OTUD7A: variants seen among roughly 807,000 people sequenced by gnomAD.
OTUD7A encodes OTU domain-containing protein 7A.
A neutral mutation model predicts 65.7 loss-of-function variants in OTUD7A; 12 were observed. The observed-to-expected ratio is 0.18, with a 90% CI of 0.12 to 0.30. OTUD7A has a LOEUF of 0.30. Among genes scored for constraint, OTUD7A ranks in the 10% least tolerant of loss-of-function variants. The pLI is 1.00. For missense variants in OTUD7A, 1,148 were observed against 1,304.8 expected (o/e 0.88, Z 1.85); for synonymous variants, 641 against 586.3 (o/e 1.09, Z -1.35).
At position 31,479,218 on chromosome 15, in the gene OTUD7A, C is replaced by A. The variant is rs2041074313; in HGVS notation, c.*4076G>T. 6.6e-6 allele frequency: 1 copy of A among 152,278 alleles called. No homozygotes were observed. The highest frequency in any genetic ancestry group is 1.5e-5 in the Non-Finnish European group (1 of 68,074). The allele number at this position is 152,278 out of a possible 1,614,324, so 9.4% of individuals were successfully genotyped here. On this transcript the variant is annotated 3_prime_UTR_variant, in exon 13 of 13. Coordinates refer to ENST00000307050, the MANE Select transcript of OTUD7A (RefSeq NM_001382637.1). ...CAGCTGGCAGCAGAACCGGACTCAA[C>A]TAGAGCAGGGGCCGCCTCTGCAGCC...
chr15:31,559,228 GGT>G, intron 4 of OTUD7A, 41 bp from the exon 5 acceptor site: 1 of 1,571,748 alleles, frequency 6.4e-7, no homozygotes, highest in Non-Finnish European at 8.7e-7. Context: ...GGGCTGAGTG[GGT>G]GTAGGTGTGG....
intron 1 of OTUD7A, among the ~76,000 whole-genome samples, chr15:31,823,100 A>C (rs1896725019): frequency 6.6e-6 from 1 of 152,182 alleles, no homozygotes; most frequent in Non-Finnish European, 1.5e-5. Flanking sequence ...CCTGTGTTTC[A>C]AAGACAAAAA....
chr15:31,522,508 C>A (rs1373085543), intron 8 of OTUD7A, among the ~76,000 whole-genome samples: 1 of 152,210 alleles, frequency 6.6e-6, no homozygotes, highest in Non-Finnish European at 1.5e-5. Flanking sequence ...TACATTAGAT[C>A]TCTTTATATG....
At chr15:31,547,939 G>C (rs1293908323) in intron 5 of OTUD7A, among the ~76,000 whole-genome samples, 3 of 152,228 alleles carry the variant, frequency 2.0e-5, no homozygotes, top group African/African-American at 7.2e-5. Flanking sequence ...GTAACAGTCA[G>C]TCACAAAAAT....
chr15:31,836,311 G>C (rs758245275), intron 1 of OTUD7A, among the ~76,000 whole-genome samples: 4 of 152,008 alleles, frequency 2.6e-5, no homozygotes, highest in Non-Finnish European at 4.4e-5. Flanking sequence ...GGCCATTTTA[G>C]AATCTAAAAA....
intron 1 of OTUD7A, among the ~76,000 whole-genome samples, chr15:31,664,406 T>C (rs1892261614): frequency 6.6e-6 from 1 of 152,108 alleles, no homozygotes; most frequent in South Asian, 2.1e-4. Flanking sequence ...GATTTCCATT[T>C]CCCTGACCAT....
chr15:31,552,615 G>A (rs1888360720), intron 5 of OTUD7A, among the ~76,000 whole-genome samples: 1 of 152,228 alleles, frequency 6.6e-6, no homozygotes, highest in African/African-American at 2.4e-5. Flanking sequence ...AGAGCCTGAC[G>A]CCCCCTCAGG....
intron 1 of OTUD7A, among the ~76,000 whole-genome samples, chr15:31,681,997 A>G (rs1892728679): frequency 1.3e-5 from 2 of 152,176 alleles, no homozygotes; most frequent in Non-Finnish European, 2.9e-5. Context: ...CACCCATGCT[A>G]GACTGGAGTG....
At chr15:31,536,533 T>C (rs117003589) in intron 5 of OTUD7A, among the ~76,000 whole-genome samples, 1 of 152,284 alleles carries the variant, frequency 6.6e-6, no homozygotes, top group Non-Finnish European at 1.5e-5. Flanking sequence ...AAAAATTCTT[T>C]AAAAAAGAGA....
intron 1 of OTUD7A, among the ~76,000 whole-genome samples, chr15:31,703,628 C>T (rs1265210544): frequency 3.9e-5 from 6 of 152,218 alleles, no homozygotes; most frequent in South Asian, 2.1e-4. Context: ...TTTGTGGGAA[C>T]GAAAATGACA....
At chr15:31,554,946 G>A (rs540704261) in intron 5 of OTUD7A, among the ~76,000 whole-genome samples, 6 of 152,336 alleles carry the variant, frequency 3.9e-5, no homozygotes, top group Admixed American at 6.5e-5. Context: ...ACTGTCATGA[G>A]GTGGGAGTGG....
intron 3 of OTUD7A, among the ~76,000 whole-genome samples, chr15:31,579,907 C>T (rs564945159): frequency 2.6e-4 from 39 of 152,290 alleles, no homozygotes; most frequent in African/African-American, 8.4e-4. Flanking sequence ...TGGAGCCCAA[C>T]GCATTCCTAA....
intron 1 of OTUD7A, among the ~76,000 whole-genome samples, chr15:31,846,371 T>A (rs553381648): frequency 6.6e-6 from 1 of 152,110 alleles, no homozygotes; most frequent in African/African-American, 2.4e-5. Context: ...TATAAACTCT[T>A]TGGGTATGTT....
intron 1 of OTUD7A, among the ~76,000 whole-genome samples, chr15:31,775,903 C>G (rs774072409): frequency 6.9e-4 from 105 of 152,206 alleles, no homozygotes; most frequent in Admixed American, 1.9e-3. Flanking sequence ...TTTCCAGCAG[C>G]AGTGCATTCA....
At chr15:31,685,361 A>C (rs1437392088) in intron 1 of OTUD7A, among the ~76,000 whole-genome samples, 1 of 152,182 alleles carries the variant, frequency 6.6e-6, no homozygotes, top group East Asian at 1.9e-4. Flanking sequence ...AATCCCAGTT[A>C]CTGGCTGGGT....
chr15:31,823,462 G>A (rs1272707566), intron 1 of OTUD7A, among the ~76,000 whole-genome samples: 1 of 152,234 alleles, frequency 6.6e-6, no homozygotes, highest in South Asian at 2.1e-4. Flanking sequence ...CAACAAAGAG[G>A]ATACATTTAT....
At chr15:31,517,349 C>T (rs2141106842) in intron 8 of OTUD7A, among the ~76,000 whole-genome samples, 1 of 152,268 alleles carries the variant, frequency 6.6e-6, no homozygotes, top group Non-Finnish European at 1.5e-5. Flanking sequence ...GACCAGAGCC[C>T]ATTGGTAGAA....
At chr15:31,835,061 C>A (rs1220481558) in intron 1 of OTUD7A, among the ~76,000 whole-genome samples, 1 of 152,204 alleles carries the variant, frequency 6.6e-6, no homozygotes, top group African/African-American at 2.4e-5. Flanking sequence ...ACATATTACA[C>A]AAGGTCTGCC....
At chr15:31,677,307 T>C (rs1265975434) in intron 1 of OTUD7A, among the ~76,000 whole-genome samples, 2 of 152,120 alleles carry the variant, frequency 1.3e-5, no homozygotes, top group African/African-American at 2.4e-5. Context: ...TAAAGCTGCC[T>C]TGTGTTAAAG....
Sources: allele counts gnomAD v4.1 joint callset (sites outside exome capture counted in the v4.1 genomes callset), GRCh38; gene constraint gnomAD v4.1.1; transcripts MANE v1.5; gene names NCBI Gene and HGNC (gene_info 2026-07-23, HGNC 2026-07-21).